The following IRF2 variants were observed in gnomAD, a reference collection of about 807,000 sequenced individuals.
The protein encoded by IRF2 is interferon regulatory factor 2.
In IRF2, 15 loss-of-function variants were observed where a neutral mutation model predicts 40.6. That is an observed-to-expected ratio of 0.37 (90% CI 0.25 to 0.57). The LOEUF is 0.57. Among genes scored for constraint, IRF2 ranks in the 20% least tolerant of loss-of-function variants. IRF2 has a pLI of 0.77. For synonymous variants in IRF2, 151 were observed against 165.5 expected, an observed-to-expected ratio of 0.91 and a Z score of 0.67; for missense variants, 317 against 455.7, an observed-to-expected ratio of 0.70 and a Z score of 2.77.
At chr4:184,464,455 C>T (rs1739252815) in intron 1 of IRF2, among the ~76,000 whole-genome samples, 1 of 145,398 alleles carries the variant, frequency 6.9e-6, no homozygotes, top group African/African-American at 2.6e-5. Flanking sequence ...GACTGTATAG[C>T]ATATGAAGAT....
At chr4:184,444,768 G>A (rs1199385857) in intron 1 of IRF2, among the ~76,000 whole-genome samples, 1 of 152,182 alleles carries the variant, frequency 6.6e-6, no homozygotes, top group African/African-American at 2.4e-5. Flanking sequence ...TTGCAACAGT[G>A]CACAATTTAA....
Position 184,439,313 on chromosome 4 carries a change from TAA to T in IRF2, c.-6-10245_-6-10244del, listed in dbSNP as rs35943221. Among the ~76,000 whole-genome samples the T allele has an allele frequency of 4.9e-3, 469 of 96,170 alleles. 4 individuals are homozygous for T. The highest frequency in any genetic ancestry group is 0.014 in the African/African-American group (385 of 27,586). 63.1% of individuals were successfully genotyped at this position (96,170 alleles called of 152,430 possible). A position where few individuals can be genotyped will look rare whatever the true frequency, so the allele number is the denominator to read the frequency against. Reference sequence around the variant, plus strand: ...TTGCAATGCTATTACCTTAAAACTTTAAAAAAAAAAAAAAAAAAGCGGGGCGG... The same window carrying T: ...TTGCAATGCTATTACCTTAAAACTTTAAAAAAAAAAAAAAAAGCGGGGCGG... On this transcript the variant is annotated intron_variant, in intron 1 of 8. Coordinates refer to ENST00000393593, the MANE Select transcript of IRF2 (RefSeq NM_002199.4).
intron 1 of IRF2, among the ~76,000 whole-genome samples, chr4:184,456,582 C>T (rs556556706): frequency 6.6e-6 from 1 of 152,378 alleles, no homozygotes; most frequent in East Asian, 1.9e-4. Context: ...GAGGAAACCC[C>T]TCGGTCCAGC....
chr4:184,410,067 A>G (rs2149897204), intron 5 of IRF2, among the ~76,000 whole-genome samples: 1 of 151,992 alleles, frequency 6.6e-6, no homozygotes, highest in Non-Finnish European at 1.5e-5. Context: ...CTGGGCCCCC[A>G]TTAGTTCCTG....
rs377663023 is a variant in IRF2 at position 184,390,802 on chromosome 4, C to T, written c.695-53G>A. 8.6e-5 allele frequency: 137 copies of T among 1,596,386 alleles called. 1 individual carries two copies. In the African/African-American group the frequency reaches 1.7e-3, roughly 19 times the overall value. ...CATCATTCCTGTCCCTCAAGCTGTC[C>T]CCAGGCTCAGGCAGTGTTTATAAAA... On this transcript the variant is annotated intron_variant, in intron 7 of 8. Transcript: ENST00000393593.
At chr4:184,460,927 T>C (rs1739122417) in intron 1 of IRF2, among the ~76,000 whole-genome samples, 1 of 152,184 alleles carries the variant, frequency 6.6e-6, no homozygotes, top group South Asian at 2.1e-4. Flanking sequence ...GGCTGTTATT[T>C]TAAATAAGCA....
intron 6 of IRF2, among the ~76,000 whole-genome samples, chr4:184,402,651 G>C (rs1488998808): frequency 6.6e-6 from 1 of 152,120 alleles, no homozygotes; most frequent in Non-Finnish European, 1.5e-5. Flanking sequence ...CCAGAGTGGA[G>C]TCCTGCAGGG....
At chr4:184,449,874 A>G (rs1488876407) in intron 1 of IRF2, among the ~76,000 whole-genome samples, 2 of 152,184 alleles carry the variant, frequency 1.3e-5, no homozygotes, top group African/African-American at 4.8e-5. Flanking sequence ...GCCAAAATGG[A>G]GCACTTCTGA....
chr4:184,420,146 G>A (rs966388047), intron 2 of IRF2, among the ~76,000 whole-genome samples: 1 of 152,166 alleles, frequency 6.6e-6, no homozygotes, highest in African/African-American at 2.4e-5. Context: ...GAGATTACAG[G>A]TGTGAGCCAC....
intron 1 of IRF2, among the ~76,000 whole-genome samples, chr4:184,463,391 G>A (rs1739211549): frequency 6.6e-6 from 1 of 152,188 alleles, no homozygotes; most frequent in Non-Finnish European, 1.5e-5. Context: ...TTGGAATGTG[G>A]CTGGGCTGAA....
intron 1 of IRF2, among the ~76,000 whole-genome samples, chr4:184,438,234 G>C (rs750333638): frequency 8.5e-5 from 13 of 152,154 alleles, no homozygotes; most frequent in Non-Finnish European, 1.6e-4. Flanking sequence ...GCCATTAAGT[G>C]GTAAAGCAAA....
intron 2 of IRF2, among the ~76,000 whole-genome samples, chr4:184,426,313 G>A (rs1203066253): frequency 6.6e-6 from 1 of 152,020 alleles, no homozygotes; most frequent in Non-Finnish European, 1.5e-5. Context: ...ACTGCGCCCA[G>A]CCAGGGCTCA....
At chr4:184,422,608 T>G (rs753556135) in intron 2 of IRF2, among the ~76,000 whole-genome samples, 11 of 152,166 alleles carry the variant, frequency 7.2e-5, no homozygotes, top group Non-Finnish European at 1.2e-4. Context: ...CAAAAAGGAA[T>G]AGAGTATTGA....
At chr4:184,445,522 G>T (rs1168307551) in intron 1 of IRF2, among the ~76,000 whole-genome samples, 1 of 152,028 alleles carries the variant, frequency 6.6e-6, no homozygotes, top group African/African-American at 2.4e-5. Context: ...GGGCATGGTG[G>T]TGTGTGCCTG....
At chr4:184,441,825 T>C (rs754339787) in intron 1 of IRF2, among the ~76,000 whole-genome samples, 3 of 152,226 alleles carry the variant, frequency 2.0e-5, no homozygotes, top group Non-Finnish European at 2.9e-5. Context: ...CCCCATTTTA[T>C]AGATGAAGAA....
chr4:184,390,586 C>A, intron 8 of IRF2, 117 bp downstream of exon 8: 1 of 972,686 alleles, frequency 1.0e-6, no homozygotes, highest in Non-Finnish European at 1.6e-6. Context: ...ACAAGAAAAT[C>A]CCAAAGTGAA....
At chr4:184,420,869 A>G (rs974631095) in intron 2 of IRF2, among the ~76,000 whole-genome samples, 6 of 152,228 alleles carry the variant, frequency 3.9e-5, no homozygotes, top group African/African-American at 1.4e-4. Context: ...AACTTGCAGG[A>G]TAATAAGTGT....
At position 184,448,459 on chromosome 4, in the gene IRF2, A is replaced by G. The variant is rs564066198; in HGVS notation, c.-6-19389T>C. On this transcript the variant is annotated intron_variant, in intron 1 of 8. Coordinates refer to ENST00000393593, the MANE Select transcript of IRF2 (RefSeq NM_002199.4). The surrounding 1 kb of genome is among the most constrained non-coding windows in gnomAD (Gnocchi z 4.3). Reference sequence around the variant, plus strand: ...GGTCCATAATTCATTTAAATTGTTCAGTTGTGTAGAAGAGGAGAAATAAGA... The same window carrying G: ...GGTCCATAATTCATTTAAATTGTTCGGTTGTGTAGAAGAGGAGAAATAAGA... Among the ~76,000 whole-genome samples, 1 of 152,326 alleles carries G rather than the reference A, an allele frequency of 6.6e-6. No homozygotes were observed. Among genetic ancestry groups the G allele is most frequent in the East Asian group, 1.9e-4 (1 of 5,190 alleles).
chr4:184,428,820 G>A lies in IRF2; in HGVS notation c.87+158C>T, dbSNP rs189685265. ...TCTCTAAAAGAAAAAAAGCCTTTGA[G>A]ATGATAACTTGATGTTTTATGATCA... On this transcript the variant is annotated intron_variant, in intron 2 of 8. Transcript: ENST00000393593. 3 of 687,518 alleles carry A rather than the reference G, an allele frequency of 4.4e-6. No homozygotes were observed. In the Admixed American group the frequency reaches 6.3e-5, roughly 14 times the overall value. 42.6% of individuals were successfully genotyped at this position (687,518 alleles called of 1,614,324 possible).
Sources: allele counts gnomAD v4.1 joint callset (sites outside exome capture counted in the v4.1 genomes callset), GRCh38; gene constraint gnomAD v4.1.1; non-coding constraint Gnocchi (gnomAD v3.1); transcripts MANE v1.5; gene names NCBI Gene and HGNC (gene_info 2026-07-23, HGNC 2026-07-21).